TSPAN11: variants seen among roughly 807,000 people sequenced by gnomAD.
TSPAN11 encodes tetraspanin-11.
In TSPAN11, 29 loss-of-function variants were observed where a neutral mutation model predicts 32.9. That is an observed-to-expected ratio of 0.88 (90% CI 0.66 to 1.20). TSPAN11 has a LOEUF of 1.20. Ranked by LOEUF, TSPAN11 falls within the 50% of genes most tolerant of loss-of-function variation. The pLI is 0.00. For missense variants in TSPAN11, 283 were observed against 329.1 expected (o/e 0.86, Z 1.08); for synonymous variants, 140 against 141.3 (o/e 0.99, Z 0.07).
intron 5 of TSPAN11, among the ~76,000 whole-genome samples, chr12:30,981,284 C>T (rs900253383): frequency 2.0e-5 from 3 of 152,174 alleles, no homozygotes; most frequent in African/African-American, 2.4e-5. Flanking sequence ...AGCAGCAGCA[C>T]GTGGATGTAA....
At chr12:30,980,099 T>C (rs1378224838) in intron 5 of TSPAN11, among the ~76,000 whole-genome samples, 2 of 152,238 alleles carry the variant, frequency 1.3e-5, no homozygotes, top group African/African-American at 4.8e-5. Context: ...AAGAGTGAGC[T>C]GTAACCAGCG....
rs568724934 is a variant in TSPAN11 at position 30,933,620 on chromosome 12, C to A, written c.-12+6824C>A. Among the ~76,000 whole-genome samples the A allele has an allele frequency of 1.4e-4, 22 of 152,268 alleles. No individual in the cohort carries two copies. The South Asian group carries it at 4.6e-3, about 32-fold the overall frequency. On this transcript the variant is annotated intron_variant, in intron 1 of 7. Coordinates refer to ENST00000546076, the MANE Select transcript of TSPAN11 (RefSeq NM_001370302.1). The stretch of plus-strand genomic sequence containing the variant: ...ATGGGTGTCCTCTGCAGCATCCAAC[C>A]AGAGTCATTGCCCATCCAGCTCTCA...
At chr12:30,982,497 T>C (rs764895572) in intron 5 of TSPAN11, 35 bp from the exon 6 acceptor site, 4 of 1,588,042 alleles carry the variant, frequency 2.5e-6, no homozygotes, top group Non-Finnish European at 2.6e-6. Flanking sequence ...CGCAGGCCTC[T>C]CACCTCCAGC....
chr12:30,953,949 T>G, intron 1 of TSPAN11, 32 bp from the exon 2 acceptor site: 2 of 1,543,470 alleles, frequency 1.3e-6, no homozygotes, highest in Non-Finnish European at 1.8e-6. Flanking sequence ...TCTCGGTGAT[T>G]CCCCGGCCCA....
chr12:30,977,580 G>T (rs561947148), intron 3 of TSPAN11, among the ~76,000 whole-genome samples: 1 of 152,268 alleles, frequency 6.6e-6, no homozygotes, highest in East Asian at 1.9e-4. Flanking sequence ...GTCCCTGTCT[G>T]TGAGCTCCGT....
At chr12:30,963,662 C>T (rs939558539) in intron 2 of TSPAN11, among the ~76,000 whole-genome samples, 164 bp from the exon 3 acceptor site, 3 of 152,244 alleles carry the variant, frequency 2.0e-5, no homozygotes, top group South Asian at 2.1e-4. Flanking sequence ...CTCTCAGCCT[C>T]GATTTCCTCA....
At chr12:30,985,646 G>A (rs1178392993) in intron 7 of TSPAN11, among the ~76,000 whole-genome samples, 1 of 152,190 alleles carries the variant, frequency 6.6e-6, no homozygotes, top group African/African-American at 2.4e-5. Flanking sequence ...GCTCTGTATG[G>A]ACACAGACCA....
chr12:30,981,330 G>A (rs1282894115), intron 5 of TSPAN11, among the ~76,000 whole-genome samples: 1 of 152,198 alleles, frequency 6.6e-6, no homozygotes, highest in Non-Finnish European at 1.5e-5. Flanking sequence ...TCACACAAGC[G>A]TGATGGTGGA....
chr12:30,995,927 A>C lies in TSPAN11; in HGVS notation c.*4012A>C, dbSNP rs1276706048. On this transcript the variant is annotated 3_prime_UTR_variant, in exon 8 of 8. Coordinates refer to ENST00000546076, the MANE Select transcript of TSPAN11 (RefSeq NM_001370302.1). ...TGAGAACCACTGCTTTAGACCAAAC[A>C]CCAAAGGAAGATGCAGCCACCCTCC... 2 of 152,014 alleles carry C rather than the reference A, an allele frequency of 1.3e-5. No homozygotes were observed. The highest frequency in any genetic ancestry group is 1.3e-4 in the Admixed American group (2 of 15,252). The allele number at this position is 152,014 out of a possible 1,614,324, so 9.4% of individuals were successfully genotyped here.
At chr12:31,001,195 A>G (rs1939474638), downstream of TSPAN11, among the ~76,000 whole-genome samples, 1 of 152,190 alleles carries the variant, frequency 6.6e-6, no homozygotes, top group Admixed American at 6.5e-5. Context: ...CTCCTTGACC[A>G]GGTTTTCAAG....
chr12:31,008,858 C>T, the TSPAN11 span, among the ~76,000 whole-genome samples: 4,996 of 152,256 alleles, frequency 0.033, 266 homozygotes, highest in African/African-American at 0.11. Flanking sequence ...CCCTGAGTTC[C>T]CTGTGCGCCA....
At chr12:30,951,406 C>G (rs1938378381) in intron 1 of TSPAN11, among the ~76,000 whole-genome samples, 1 of 152,218 alleles carries the variant, frequency 6.6e-6, no homozygotes, top group Admixed American at 6.5e-5. Flanking sequence ...GCTCCCCTTC[C>G]TCCTTTGCCC....
At chr12:30,944,719 T>G (rs2140277807) in intron 1 of TSPAN11, among the ~76,000 whole-genome samples, 1 of 152,346 alleles carries the variant, frequency 6.6e-6, no homozygotes, top group South Asian at 2.1e-4. Context: ...TCCTGTTGCT[T>G]GTGACAATAT....
chr12:30,988,154 C>T (rs1425349593), intron 7 of TSPAN11, among the ~76,000 whole-genome samples: 2 of 152,210 alleles, frequency 1.3e-5, no homozygotes, highest in Non-Finnish European at 2.9e-5. Flanking sequence ...CATGGAACAG[C>T]ACACCAGAGG....
At chr12:30,987,478 GCGCCTGTAAT>G (rs2140311166) in intron 7 of TSPAN11, among the ~76,000 whole-genome samples, 1 of 152,228 alleles carries the variant, frequency 6.6e-6, no homozygotes, top group South Asian at 2.1e-4. Context: ...ATGGAGGCGC[GCGCCTGTAAT>G]CCCAGCTACT....
chr12:31,011,124 T>A, the TSPAN11 span, among the ~76,000 whole-genome samples: 1 of 152,212 alleles, frequency 6.6e-6, no homozygotes, highest in African/African-American at 2.4e-5. Flanking sequence ...AGGTGCATTG[T>A]GGCTCATGCC....
At position 30,957,877 on chromosome 12, in the gene TSPAN11, CTCCT is replaced by C. The variant is rs762993561; in HGVS notation, c.84+3820_84+3823del. ...CTTCCTTCCTTCCCTCCCTCCCTCC[CTCCT>C]TCCTTCCTTCCTTCCTTACATGTGT... is the stretch of plus-strand genomic sequence containing the variant. On this transcript the variant is annotated intron_variant, in intron 2 of 7. Coordinates refer to ENST00000546076, the MANE Select transcript of TSPAN11 (RefSeq NM_001370302.1). Among the ~76,000 whole-genome samples, 27 of 110,460 alleles carry C rather than the reference CTCCT, an allele frequency of 2.4e-4. 1 individual carries two copies. In the East Asian group the frequency reaches 6.0e-3, roughly 25 times the overall value. 72.5% of individuals were successfully genotyped at this position (110,460 alleles called of 152,430 possible). A position where few individuals can be genotyped will look rare whatever the true frequency, so the allele number is the denominator to read the frequency against.
chr12:31,001,345 T>C (rs1004781148), downstream of TSPAN11, among the ~76,000 whole-genome samples: 1 of 152,138 alleles, frequency 6.6e-6, no homozygotes, highest in African/African-American at 2.4e-5. Flanking sequence ...GCTCTTAGCA[T>C]CAACATCACC....
At chr12:30,968,194 C>G (rs1938777023) in intron 3 of TSPAN11, among the ~76,000 whole-genome samples, 1 of 152,176 alleles carries the variant, frequency 6.6e-6, no homozygotes, top group Non-Finnish European at 1.5e-5. Context: ...ATCACTAGAC[C>G]AAGTGGTCCC....
Sources: allele counts gnomAD v4.1 joint callset (sites outside exome capture counted in the v4.1 genomes callset), GRCh38; gene constraint gnomAD v4.1.1; transcripts MANE v1.5; gene names NCBI Gene and HGNC (gene_info 2026-07-23, HGNC 2026-07-21).